Variants in CBL observed in about 807,000 individuals in gnomAD.
CBL encodes the protein Cbl proto-oncogene, also known as E3 ubiquitin-protein ligase CBL.
CBL carries 45 observed loss-of-function variants against 96.9 expected under a neutral mutation model. That is an observed-to-expected ratio of 0.46 (90% confidence interval 0.37 to 0.60). The LOEUF is 0.60. Ranked by LOEUF, CBL falls within the 20% of genes least tolerant of loss-of-function variation. The probability of loss-of-function intolerance (pLI) is 0.00; values close to 1 mark genes in which losing one functional copy is unlikely to be tolerated. For synonymous variants in CBL, 420 were observed against 426.8 expected (o/e 0.98, Z 0.20); for missense variants, 1,024 against 1,143.5 (o/e 0.90, Z 1.51).
chr11:119,206,755 G>T, intron 1 of CBL, 143 bp downstream of exon 1: 2 of 858,664 alleles, frequency 2.3e-6, no homozygotes, highest in Non-Finnish European at 3.5e-6. Flanking sequence ...GACCGGCCGG[G>T]GGCGTGGGGG....
At chr11:119,207,216 C>T (rs1321551356) in intron 1 of CBL, among the ~76,000 whole-genome samples, 1 of 152,142 alleles carries the variant, frequency 6.6e-6, no homozygotes. Context: ...AAGAACTTTC[C>T]TCCCCATCTA....
At chr11:119,270,577 G>C (rs1949838846) in intron 2 of CBL, among the ~76,000 whole-genome samples, 2 of 145,396 alleles carry the variant, frequency 1.4e-5, no homozygotes, top group South Asian at 4.4e-4. Flanking sequence ...CTCCCAAGTA[G>C]CTGGGACTAC....
chr11:119,217,738 A>G (rs991042899), intron 1 of CBL, among the ~76,000 whole-genome samples: 8 of 152,052 alleles, frequency 5.3e-5, no homozygotes, highest in Admixed American at 4.6e-4. Flanking sequence ...GATTTTAATT[A>G]TGATGTTCTT....
rs1221064039 is a variant in CBL, at chr11:119,271,921, A to G, written c.590+40A>G. On this transcript the variant is annotated intron_variant, in intron 3 of 15. Transcript: ENST00000264033. The stretch of plus-strand genomic sequence containing the variant: ...AATGAATTTGAACTATGAAAAACTA[A>G]AGCTTACGAGTTTTTTCTTTACTTT... 9 of 1,596,478 alleles carry G rather than the reference A, an allele frequency of 5.6e-6. No individual in the cohort carries two copies. The South Asian group carries it at 9.0e-5, about 16-fold the overall frequency.
At chr11:119,214,893 ATTTTTTTTTT>A (rs774184469) in intron 1 of CBL, among the ~76,000 whole-genome samples, 1 of 117,964 alleles carries the variant, frequency 8.5e-6, no homozygotes, top group Non-Finnish European at 1.7e-5. Flanking sequence ...CTGGTAGGGA[ATTTTTTTTTT>A]TTTTTTTTTT....
At chr11:119,223,354 TTTTA>T (rs1397064984) in intron 1 of CBL, among the ~76,000 whole-genome samples, 1 of 150,984 alleles carries the variant, frequency 6.6e-6, no homozygotes, top group Non-Finnish European at 1.5e-5. Context: ...TTGGTTTTTA[TTTTA>T]TTTTACTTTA....
intron 1 of CBL, 107 bp downstream of exon 1, chr11:119,206,719 AAGCCGGGGAGGCGCGG>A: frequency 8.7e-7 from 1 of 1,146,998 alleles, no homozygotes; most frequent in South Asian, 1.5e-5. Context: ...GGGTCTGGTG[AAGCCGGGGAGGCGCGG>A]AGCCGGGGTG....
chr11:119,299,084 A>G (rs1950082278), intron 15 of CBL, among the ~76,000 whole-genome samples: 1 of 152,232 alleles, frequency 6.6e-6, no homozygotes, highest in Non-Finnish European at 1.5e-5. Context: ...CCAGACGAGC[A>G]ATGTCCCCCA....
rs1565870972 is a variant in CBL at position 119,273,956 on chromosome 11, A to G, written c.679A>G (p.Thr227Ala). 1.9e-6 allele frequency: 3 copies of G among 1,613,830 alleles called. No homozygotes were observed. The highest frequency in any genetic ancestry group is 1.7e-5 in the Admixed American group (1 of 59,996). The change falls in exon 4 of 16, where the codon ACT becomes GCT. Residue 227 changes from threonine to alanine, a missense_variant. Transcript: ENST00000264033. ...GCTGGAGGCCATGGCTCTGAAATCC[A>G]CTATTGATCTGACCTGCAATGATTA... ...SGLEAMALKS[T>A]IDLTCNDYIS...
chr11:119,248,100 C>CTT (rs1949646004), intron 2 of CBL, among the ~76,000 whole-genome samples: 1 of 152,118 alleles, frequency 6.6e-6, no homozygotes, highest in Admixed American at 6.6e-5. Flanking sequence ...TCCAGTAGCA[C>CTT]TTTTTTCAGA....
intron 2 of CBL, among the ~76,000 whole-genome samples, chr11:119,267,855 A>G (rs548814300): frequency 4.7e-4 from 71 of 152,368 alleles, no homozygotes; most frequent in African/African-American, 1.7e-3. Context: ...ACAAATAGCT[A>G]TAGTCAAAAT....
intron 2 of CBL, among the ~76,000 whole-genome samples, chr11:119,259,585 A>G (rs1592390847): frequency 1.3e-5 from 2 of 152,174 alleles, no homozygotes; most frequent in Admixed American, 1.3e-4. Flanking sequence ...AAATATAAAT[A>G]TTTCTGGTGG....
intron 2 of CBL, among the ~76,000 whole-genome samples, chr11:119,252,584 G>A (rs11217217): frequency 0.23 from 35,125 of 151,988 alleles, 4,308 homozygotes; most frequent in East Asian, 0.38. Context: ...GGCCAGGTGC[G>A]GTGGCTCACG....
chr11:119,270,447 T>TAA, intron 2 of CBL, among the ~76,000 whole-genome samples: 1 of 78,534 alleles, frequency 1.3e-5, no homozygotes, highest in East Asian at 4.9e-4. Context: ...TTTTTTTTTT[T>TAA]TTTTTTTTTT....
At chr11:119,298,289 G>GCC in intron 14 of CBL, 69 bp from the exon 15 acceptor site, 14 of 1,356,896 alleles carry the variant, frequency 1.0e-5, no homozygotes, top group Non-Finnish European at 1.4e-5. Flanking sequence ...ATGAATGGCT[G>GCC]CCCCGTATTG....
chr11:119,230,874 C>T (rs188265861), intron 1 of CBL, among the ~76,000 whole-genome samples: 10 of 152,266 alleles, frequency 6.6e-5, no homozygotes, highest in African/African-American at 2.2e-4. Context: ...GTATGACAAA[C>T]ACAAAATGGA....
chr11:119,285,001 C>T lies in CBL; in HGVS notation c.1464C>T (p.Ala488=), dbSNP rs766521315. The T allele has an allele frequency of 6.2e-7, 1 of 1,614,102 alleles. No homozygotes were observed. The highest frequency in any genetic ancestry group is 1.7e-5 in the Admixed American group (1 of 60,000). Residue 488 remains alanine, a synonymous_variant, in exon 10 of 16, where the codon GCC becomes GCT. Transcript: ENST00000264033. ...VERPPSPFSM[A]PQASLPPVPP... is the part of the protein sequence containing the mutation. Reference sequence around the variant, plus strand: ...GGCCGCCTTCTCCATTCTCCATGGCCCCACAAGCTTCCCTTCCCCCGGTGC... The same window carrying T: ...GGCCGCCTTCTCCATTCTCCATGGCTCCACAAGCTTCCCTTCCCCCGGTGC...
At chr11:119,298,291 C>T (rs1052010520) in intron 14 of CBL, 67 bp from the exon 15 acceptor site, 3 of 1,370,484 alleles carry the variant, frequency 2.2e-6, no homozygotes, top group East Asian at 4.6e-5. Flanking sequence ...GAATGGCTGC[C>T]CCGTATTGAA....
At chr11:119,229,003 C>G (rs753930480) in intron 1 of CBL, among the ~76,000 whole-genome samples, 34 of 151,928 alleles carry the variant, frequency 2.2e-4, no homozygotes, top group Non-Finnish European at 4.4e-4. Context: ...TTAGTAGAGA[C>G]AGGGTTTCAC....
Sources: gnomAD v4.1 joint callset for allele counts (sites outside exome capture counted in the v4.1 genomes callset) on GRCh38, gnomAD v4.1.1 for gene constraint, MANE v1.5 for transcripts, NCBI Gene and HGNC (gene_info 2026-07-23, HGNC 2026-07-21) for gene names.